Variants in PUM3 observed in about 807,000 individuals in gnomAD.
PUM3 encodes the protein pumilio homolog 3.
Under a neutral mutation model 84.0 loss-of-function variants are expected in PUM3, and 91 were observed. That is an observed-to-expected ratio of 1.08 (90% CI 0.91 to 1.29). PUM3 has a LOEUF of 1.29. Among genes scored for constraint, PUM3 ranks in the 50% most tolerant of loss-of-function variants. The pLI, the probability that PUM3 is intolerant of heterozygous loss-of-function variation, is 0.00. For synonymous variants in PUM3, 321 were observed against 266.7 expected, an observed-to-expected ratio of 1.20 and a Z score of -1.98; for missense variants, 1,067 against 767.5, an observed-to-expected ratio of 1.39 and a Z score of -4.61.
chr9:2,833,956 C>T, intron 4 of PUM3, 75 bp downstream of exon 4: 2 of 1,455,698 alleles, frequency 1.4e-6, no homozygotes, highest in South Asian at 2.6e-5. Flanking sequence ...TTTAGGACAT[C>T]TCACTATTTA....
chr9:2,805,105 T>C (rs1821234067), intron 17 of PUM3, among the ~76,000 whole-genome samples: 1 of 152,210 alleles, frequency 6.6e-6, no homozygotes, highest in Non-Finnish European at 1.5e-5. Context: ...GTTTCCCGAA[T>C]TGTAGAATGG....
intron 13 of PUM3, among the ~76,000 whole-genome samples, chr9:2,813,183 C>G (rs1407376187): frequency 6.6e-6 from 1 of 152,190 alleles, no homozygotes; most frequent in Non-Finnish European, 1.5e-5. Context: ...ACCTCCTTTT[C>G]TAGTTGTTCG....
chr9:2,837,410 A>G lies in PUM3; in HGVS notation c.83-9T>C. 6.4e-7 allele frequency: 1 copy of G among 1,553,204 alleles called. No individual in the cohort carries two copies. The highest frequency in any genetic ancestry group is 8.9e-7 in the Non-Finnish European group (1 of 1,128,406). ...CTTTGAAGAACCAGAATCTAGTGAC[A>G]ATAATAATTATAAGTTCAATGATTC... On this transcript the variant is annotated splice_polypyrimidine_tract_variant and intron_variant, in intron 2 of 17. Transcript: ENST00000397885.
At chr9:2,830,905 G>A (rs2129862619) in intron 7 of PUM3, 57 bp downstream of exon 7, 2 of 890,242 alleles carry the variant, frequency 2.2e-6, no homozygotes, top group Non-Finnish European at 3.6e-6. Context: ...AGCACAGTTG[G>A]AAACCATGTC....
chr9:2,820,320 G>A (rs1312172369), intron 12 of PUM3, among the ~76,000 whole-genome samples: 1 of 151,512 alleles, frequency 6.6e-6, no homozygotes, highest in African/African-American at 2.4e-5. Flanking sequence ...ATATTCTAGA[G>A]GTAAGGTTGA....
At chr9:2,819,253 A>G (rs987975652) in intron 13 of PUM3, among the ~76,000 whole-genome samples, 6 of 152,226 alleles carry the variant, frequency 3.9e-5, no homozygotes, top group African/African-American at 1.4e-4. Flanking sequence ...AAAAGAGACT[A>G]TTGATGCAGA....
intron 13 of PUM3, 138 bp downstream of exon 13, chr9:2,819,880 A>T: frequency 2.0e-6 from 1 of 504,312 alleles, no homozygotes; most frequent in Non-Finnish European, 3.6e-6. Context: ...AATAAAACAT[A>T]ATTAACTTAA....
intron 13 of PUM3, among the ~76,000 whole-genome samples, chr9:2,818,457 T>C (rs768673567): frequency 6.6e-5 from 10 of 152,196 alleles, no homozygotes; most frequent in Non-Finnish European, 1.5e-4. Flanking sequence ...TGAAGGAAAT[T>C]TGGTTTCTCT....
intron 13 of PUM3, among the ~76,000 whole-genome samples, chr9:2,815,448 G>A (rs1016829676): frequency 6.6e-5 from 10 of 152,168 alleles, no homozygotes; most frequent in Non-Finnish European, 1.0e-4. Context: ...AAATAGGTAA[G>A]AGACAGCTAA....
At chr9:2,816,106 T>C (rs996155507) in intron 13 of PUM3, among the ~76,000 whole-genome samples, 5 of 151,784 alleles carry the variant, frequency 3.3e-5, no homozygotes, top group Non-Finnish European at 7.3e-5. Flanking sequence ...AATCAACCCA[T>C]CCATGGTGCT....
intron 1 of PUM3, among the ~76,000 whole-genome samples, chr9:2,840,052 C>T (rs1037430799): frequency 3.8e-4 from 58 of 152,094 alleles, no homozygotes; most frequent in Admixed American, 3.1e-3. Context: ...TAGAATATTC[C>T]TCATTTGGGG....
chr9:2,832,697 G>A (rs1469020872), intron 5 of PUM3, among the ~76,000 whole-genome samples: 1 of 152,160 alleles, frequency 6.6e-6, no homozygotes, highest in African/African-American at 2.4e-5. Flanking sequence ...TAAGAAAGCG[G>A]CAGCTGATGA....
At chr9:2,821,389 A>T (rs1249241467) in intron 12 of PUM3, among the ~76,000 whole-genome samples, 1 of 140,524 alleles carries the variant, frequency 7.1e-6, no homozygotes, top group Non-Finnish European at 1.5e-5. Flanking sequence ...GCTTGCAGTG[A>T]GCCCAGATCG....
chr9:2,829,020 T>G (rs1228157347), intron 8 of PUM3, among the ~76,000 whole-genome samples: 1 of 152,234 alleles, frequency 6.6e-6, no homozygotes, highest in African/African-American at 2.4e-5. Flanking sequence ...AACAGTTACT[T>G]GCCAAGCACC....
At chr9:2,843,603 G>T (rs1246882687) in intron 1 of PUM3, among the ~76,000 whole-genome samples, 3 of 136,966 alleles carry the variant, frequency 2.2e-5, no homozygotes, top group African/African-American at 8.3e-5. Context: ...TTTTGAGACG[G>T]AGTCTTGCTC....
At position 2,819,096 on chromosome 9, in the gene PUM3, C is replaced by G. The variant is rs541326586; in HGVS notation, c.1269+922G>C. Among the ~76,000 whole-genome samples, 354 of 152,304 alleles carry G rather than the reference C, an allele frequency of 2.3e-3. 2 individuals carry two copies. The highest frequency in any genetic ancestry group is 8.3e-3 in the African/African-American group (345 of 41,568). ...TTCAGATGAATAACCTATGTCTATACAGATTATGTGGTTTTCCAGACGTTT... is the reference window on the plus strand; with the variant it reads ...TTCAGATGAATAACCTATGTCTATAGAGATTATGTGGTTTTCCAGACGTTT... On this transcript the variant is annotated intron_variant, in intron 13 of 17. Coordinates refer to ENST00000397885, the MANE Select transcript of PUM3 (RefSeq NM_014878.5).
At chr9:2,822,693 T>C (rs1362457733) in intron 12 of PUM3, among the ~76,000 whole-genome samples, 2 of 147,886 alleles carry the variant, frequency 1.4e-5, no homozygotes, top group African/African-American at 4.9e-5. Flanking sequence ...TATTGAATTA[T>C]GAATTATAAT....
Position 2,811,402 on chromosome 9 carries a change from A to G in PUM3, c.1594T>C (p.Leu532=), listed in dbSNP as rs774265793. The change falls in exon 15 of 18, where the codon TTG becomes CTG. Residue 532 remains leucine (L), a synonymous_variant. Coordinates refer to ENST00000397885, the MANE Select transcript of PUM3 (RefSeq NM_014878.5). The stretch of plus-strand genomic sequence containing the variant: ...CCAGGATGCAGTCCTGTTGCTGCCA[A>G]GCTGGCGATGGCATTCATGGTAGGC... ...VQPTMNAIAS[L]AATGLHPGGK... 6.2e-7 allele frequency: 1 copy of G among 1,614,000 alleles called. No homozygotes were observed. Among genetic ancestry groups the G allele is most frequent in the Admixed American group, 1.7e-5 (1 of 60,000 alleles).
rs1380163480 is a variant in PUM3, at chr9:2,823,797, A to T, written c.1172T>A (p.Val391Asp). 5 of 1,506,680 alleles carry T rather than the reference A, an allele frequency of 3.3e-6. No individual in the cohort carries two copies. Among genetic ancestry groups the T allele is most frequent in the Non-Finnish European group, 4.5e-6 (5 of 1,101,796 alleles). The allele number at this position is 1,506,680 out of a possible 1,614,324, so 93.3% of individuals were successfully genotyped here. A position where few individuals can be genotyped will look rare whatever the true frequency, so the allele number is the denominator to read the frequency against. ...TATACTTACATTAGCCACCTTTTCA[A>T]CATAAGTCTTCATTGTTTTCACAAT... Reference protein sequence around the residue: ...KVIVKTMKTYVEKVANGQYSH... With the variant: ...KVIVKTMKTYDEKVANGQYSH... Residue 391 changes from valine (V) to aspartate (D), a missense_variant, in exon 12 of 18, where the codon GTT (valine) becomes GAT (aspartate). Physicochemically the swap from Val to Asp is radical, Grantham distance 152 (BLOSUM62 -3). Transcript: ENST00000397885.
Sources: allele counts gnomAD v4.1 joint callset (sites outside exome capture counted in the v4.1 genomes callset), GRCh38; gene constraint gnomAD v4.1.1; transcripts MANE v1.5; gene names NCBI Gene and HGNC (gene_info 2026-07-23, HGNC 2026-07-21).